Variants in METTL22 observed in about 807,000 individuals in gnomAD.
METTL22 encodes methyltransferase-like protein 22.
A neutral mutation model predicts 48.4 loss-of-function variants in METTL22; 51 were observed. That is an observed-to-expected ratio of 1.05 (90% CI 0.84 to 1.33). The LOEUF is 1.33. METTL22 is among the 40% of genes most tolerant of loss of function. METTL22 has a pLI of 0.00. For missense variants in METTL22, 678 were observed against 526.9 expected (o/e 1.29, Z -2.81); for synonymous variants, 255 against 214.1 (o/e 1.19, Z -1.67).
At chr16:8,639,892 C>G (rs1328520508) in intron 6 of METTL22, among the ~76,000 whole-genome samples, 4 of 151,952 alleles carry the variant, frequency 2.6e-5, no homozygotes, top group South Asian at 4.2e-4. Flanking sequence ...GCGCCCCCCA[C>G]CACCAACAGC....
At chr16:8,652,162 TA>T (rs2056908662), downstream of METTL22, among the ~76,000 whole-genome samples, 1 of 152,044 alleles carries the variant, frequency 6.6e-6, no homozygotes, top group South Asian at 2.1e-4. Context: ...AGAGTCCAGA[TA>T]AAAGTGAGAT....
Position 8,625,505 on chromosome 16 carries a change from C to T in METTL22, c.-161C>T. 2.0e-6 allele frequency: 1 copy of T among 508,550 alleles called. No homozygotes were observed. The highest frequency in any genetic ancestry group is 3.4e-6 in the Non-Finnish European group (1 of 297,876). 31.5% of individuals were successfully genotyped at this position (508,550 alleles called of 1,614,324 possible). A position where few individuals can be genotyped will look rare whatever the true frequency, so the allele number is the denominator to read the frequency against. On this transcript the variant is annotated 5_prime_UTR_variant, in exon 2 of 11. Transcript: ENST00000381920. ...ACGCATTAATTTCCAGCTGGATTCTCTTCCCTGGCCAAGTCTCTGAGATCT... is the reference window on the plus strand; with the variant it reads ...ACGCATTAATTTCCAGCTGGATTCTTTTCCCTGGCCAAGTCTCTGAGATCT...
the METTL22 span, among the ~76,000 whole-genome samples, chr16:8,663,413 A>G: frequency 6.6e-6 from 1 of 151,966 alleles, no homozygotes; most frequent in African/African-American, 2.4e-5. Flanking sequence ...AGGGTGGGTT[A>G]TTTTGGGGAG....
the METTL22 span, among the ~76,000 whole-genome samples, chr16:8,660,957 GGGATCCGGACTCT>G: frequency 1.3e-5 from 2 of 151,440 alleles, no homozygotes; most frequent in African/African-American, 4.8e-5. Flanking sequence ...AGAGCTACCA[GGGATCCGGACTCT>G]GGCCCGACCA....
rs370385498 is a variant in METTL22 at position 8,648,944 on chromosome 16, A to G, written c.*2801A>G. The G allele has an allele frequency of 4.3e-4, 65 of 152,342 alleles. No homozygotes were observed. Among genetic ancestry groups the G allele is most frequent in the African/African-American group, 1.5e-3 (64 of 41,558 alleles). The allele number at this position is 152,342 out of a possible 1,614,324, so 9.4% of individuals were successfully genotyped here. A position where few individuals can be genotyped will look rare whatever the true frequency, so the allele number is the denominator to read the frequency against. On this transcript the variant is annotated 3_prime_UTR_variant, in exon 11 of 11. Transcript: ENST00000381920. ...TGCTGTTTTCTAAAATTCCTACACA[A>G]ACTCCGTTCCTGACAGACTTGCCAT...
At chr16:8,642,272 C>A in intron 8 of METTL22, 65 bp downstream of exon 8, 2 of 1,435,094 alleles carry the variant, frequency 1.4e-6, no homozygotes, top group Non-Finnish European at 2.0e-6. Flanking sequence ...TGCAGTCTCT[C>A]CTCACTTCCC....
In METTL22 at chr16:8,646,954, A is replaced by C. The variant is rs1419524519; in HGVS notation, c.*811A>C. The stretch of plus-strand genomic sequence containing the variant: ...CCCTTCCTGTCATCCTCTATGTCCC[A>C]CTGTCTCTCTCCTTCTCTCCAGTTT... On this transcript the variant is annotated 3_prime_UTR_variant, in exon 11 of 11. Coordinates refer to ENST00000381920, the MANE Select transcript of METTL22 (RefSeq NM_024109.4). The C allele has an allele frequency of 2.9e-6, 1 of 340,142 alleles. No homozygotes were observed. Among genetic ancestry groups the C allele is most frequent in the Non-Finnish European group, 5.8e-6 (1 of 172,822 alleles). 21.1% of individuals were successfully genotyped at this position (340,142 alleles called of 1,614,324 possible). A position where few individuals can be genotyped will look rare whatever the true frequency, so the allele number is the denominator to read the frequency against.
chr16:8,644,546 C>T lies in METTL22; in HGVS notation c.1011-11C>T. The T allele has an allele frequency of 2.0e-6, 3 of 1,529,946 alleles. No individual in the cohort carries two copies. Among genetic ancestry groups the T allele is most frequent in the South Asian group, 1.2e-5 (1 of 80,820 alleles). 94.8% of individuals were successfully genotyped at this position (1,529,946 alleles called of 1,614,324 possible). A position where few individuals can be genotyped will look rare whatever the true frequency, so the allele number is the denominator to read the frequency against. On this transcript the variant is annotated splice_polypyrimidine_tract_variant and intron_variant, in intron 9 of 10. Transcript: ENST00000381920. ...GATGGCAGTTTGTGCGTCCGACTGG[C>T]TGGTTTGCAGGCTCAACTTCACATT...
At chr16:8,659,266 G>T in the METTL22 span, among the ~76,000 whole-genome samples, 3 of 152,146 alleles carry the variant, frequency 2.0e-5, no homozygotes, top group African/African-American at 7.2e-5. Context: ...GGGAGGCAGA[G>T]GTTGCAGTGA....
chr16:8,647,225 C>G lies in METTL22; in HGVS notation c.*1082C>G, dbSNP rs2056820466. ...CCTCATGCCAGGGGCCAGGCACTTG[C>G]AAGTCTAACTTCATCTTCCCAACAA... On this transcript the variant is annotated 3_prime_UTR_variant, in exon 11 of 11. Coordinates refer to ENST00000381920, the MANE Select transcript of METTL22 (RefSeq NM_024109.4). 1 of 156,996 alleles carries G rather than the reference C, an allele frequency of 6.4e-6. No homozygotes were observed. The highest frequency in any genetic ancestry group is 1.4e-5 in the Non-Finnish European group (1 of 70,698). 9.7% of individuals were successfully genotyped at this position (156,996 alleles called of 1,614,324 possible).
At chr16:8,637,984 A>AAG (rs386384167) in intron 5 of METTL22, among the ~76,000 whole-genome samples, 1 of 128 alleles carries the variant, frequency 7.8e-3, no homozygotes, top group Admixed American at 0.17. Context: ...CTAAAAATAC[A>AAG]AAAAAAAAAA....
chr16:8,624,075 T>A (rs893122018), intron 1 of METTL22: 1 of 152,342 alleles, frequency 6.6e-6, no homozygotes, highest in Admixed American at 6.5e-5. Flanking sequence ...AAGAAACAGA[T>A]GCAGAGAGGC....
chr16:8,627,113 G>T (rs1364636122), intron 2 of METTL22, among the ~76,000 whole-genome samples: 2 of 152,030 alleles, frequency 1.3e-5, no homozygotes, highest in African/African-American at 4.8e-5. Context: ...TTCTCCCACT[G>T]AGTTCACTGC....
intron 3 of METTL22, among the ~76,000 whole-genome samples, chr16:8,632,832 G>C (rs2056307092): frequency 6.6e-6 from 1 of 152,218 alleles, no homozygotes; most frequent in Non-Finnish European, 1.5e-5. Context: ...TCTGACCTCA[G>C]AGTCCTCATT....
rs147273742 is a variant in METTL22 at position 8,643,311 on chromosome 16, T to A, written c.1010+746T>A. 3.9e-5 allele frequency among the ~76,000 whole-genome samples: 6 copies of A among 152,332 alleles called. No individual in the cohort carries two copies. In the East Asian group the frequency reaches 1.2e-3, roughly 29 times the overall value. On this transcript the variant is annotated intron_variant, in intron 9 of 10. Transcript: ENST00000381920. ...TGAGGCACACACTGAGCAATAGCAA[T>A]GTACAGACCTCATTTGGATCCTGAT...
At chr16:8,666,175 T>C in the METTL22 span, among the ~76,000 whole-genome samples, 8 of 151,896 alleles carry the variant, frequency 5.3e-5, no homozygotes, top group South Asian at 2.1e-4. Context: ...TGCTGGGGAG[T>C]TGACATCCTG....
Position 8,646,125 on chromosome 16 carries a change from C to G in METTL22, c.1197C>G (p.Ile399Met). The change falls in exon 11 of 11, where the codon ATC becomes ATG. Residue 399 changes from isoleucine to methionine, a missense_variant. By Grantham distance (10) the Ile-to-Met change is conservative (BLOSUM62 1). Transcript: ENST00000381920. The part of the protein sequence containing the change: ...RLQQLELWKI[I>M]AEPVT ...TGCTGCAGGAGCTCTGGAAGATCAT[C>G]GCAGAACCAGTAACATGACCCATCG... 7.2e-7 allele frequency: 1 copy of G among 1,398,286 alleles called. No homozygotes were observed. The highest frequency in any genetic ancestry group is 9.3e-7 in the Non-Finnish European group (1 of 1,071,768). The allele number at this position is 1,398,286 out of a possible 1,614,324, so 86.6% of individuals were successfully genotyped here.
Position 8,644,569 on chromosome 16 carries a change from A to G in METTL22, c.1023A>G (p.Thr341=), listed in dbSNP as rs773648976. ...GGCTGGTTTGCAGGCTCAACTTCAC[A>G]TTGAGACACTTGGACGTCACATGTG... The part of the protein sequence containing the change: ...ILSVEKRLNF[T]LRHLDVTCEA... Residue 341 remains threonine, a synonymous_variant, in exon 10 of 11, where the codon ACA becomes ACG. Transcript: ENST00000381920. 3 of 1,564,722 alleles carry G rather than the reference A, an allele frequency of 1.9e-6. No individual in the cohort carries two copies. Among genetic ancestry groups the G allele is most frequent in the Non-Finnish European group, 2.6e-6 (3 of 1,151,958 alleles).
intron 3 of METTL22, 59 bp downstream of exon 3, chr16:8,629,169 T>TCA (rs1414587074): frequency 3.1e-5 from 49 of 1,566,958 alleles, no homozygotes; most frequent in Non-Finnish European, 4.0e-5. Flanking sequence ...GTGTCACTGC[T>TCA]CAGGGCTCAG....
Sources: gnomAD v4.1 joint callset for allele counts (sites outside exome capture counted in the v4.1 genomes callset) on GRCh38, gnomAD v4.1.1 for gene constraint, MANE v1.5 for transcripts, NCBI Gene and HGNC (gene_info 2026-07-23, HGNC 2026-07-21) for gene names.